Variants in C8orf89 observed in about 807,000 individuals in gnomAD.
C8orf89 encodes chromosome 8 open reading frame 89, also known as putative uncharacterized protein C8orf89.
C8orf89 carries 14 observed loss-of-function variants against 15.8 expected under a neutral mutation model. The observed-to-expected ratio is 0.89, with a 90% CI of 0.59 to 1.39. The LOEUF (loss-of-function observed/expected upper bound fraction) is 1.39. Among genes scored for constraint, C8orf89 ranks in the 40% most tolerant of loss-of-function variants. C8orf89 has a pLI of 0.00. For missense variants in C8orf89, 181 were observed against 184.5 expected, an observed-to-expected ratio of 0.98 and a Z score of 0.11; for synonymous variants, 55 against 62.2, an observed-to-expected ratio of 0.88 and a Z score of 0.54.
At chr8:73,252,084 A>ATAGAG (rs1387469898) in intron 2 of C8orf89, among the ~76,000 whole-genome samples, 1 of 152,138 alleles carries the variant, frequency 6.6e-6, no homozygotes, top group Admixed American at 6.5e-5. Context: ...TCCATTTCTA[A>ATAGAG]TTCTGCCTTA....
intron 2 of C8orf89, among the ~76,000 whole-genome samples, chr8:73,250,804 G>T (rs1446437579): frequency 6.6e-6 from 1 of 152,034 alleles, no homozygotes; most frequent in Non-Finnish European, 1.5e-5. Flanking sequence ...CAAATTTCTT[G>T]TAACAATATT....
At chr8:73,257,901 C>G (rs962825903) in intron 1 of C8orf89, among the ~76,000 whole-genome samples, 2 of 152,004 alleles carry the variant, frequency 1.3e-5, no homozygotes, top group Non-Finnish European at 2.9e-5. Context: ...TATTTTGTAA[C>G]TTTTGATTTT....
At chr8:73,285,280 A>T in the C8orf89 span, among the ~76,000 whole-genome samples, 19 of 152,282 alleles carry the variant, frequency 1.2e-4, no homozygotes, top group African/African-American at 4.3e-4. Flanking sequence ...AGATGTAAGT[A>T]CTTACTTACC....
In C8orf89 at chr8:73,241,412, A is replaced by G. The variant is rs1279499372; in HGVS notation, c.*45T>C. On this transcript the variant is annotated 3_prime_UTR_variant, in exon 4 of 4. Coordinates refer to ENST00000624510, the MANE Select transcript of C8orf89 (RefSeq NM_001243237.3). ...ATATCATATAAAAAAAGAAAATATAAAGCTTAAAAGTCACTGAAGAAAGCA... is the reference window on the plus strand; with the variant it reads ...ATATCATATAAAAAAAGAAAATATAGAGCTTAAAAGTCACTGAAGAAAGCA... 6 of 1,334,678 alleles carry G rather than the reference A, an allele frequency of 4.5e-6. No homozygotes were observed. Among genetic ancestry groups the G allele is most frequent in the Admixed American group, 3.2e-5 (1 of 30,864 alleles). 82.7% of individuals were successfully genotyped at this position (1,334,678 alleles called of 1,614,324 possible). A position where few individuals can be genotyped will look rare whatever the true frequency, so the allele number is the denominator to read the frequency against.
the C8orf89 span, among the ~76,000 whole-genome samples, chr8:73,285,718 G>GGGCAGTGTGGGAGCCAGC: frequency 2.6e-5 from 4 of 152,176 alleles, no homozygotes; most frequent in Non-Finnish European, 5.9e-5. Flanking sequence ...CGGGCACAGC[G>GGGCAGTGTGGGAGCCAGC]GGCAGTGTGG....
chr8:73,269,294 C>T, the C8orf89 span, among the ~76,000 whole-genome samples: 324 of 152,196 alleles, frequency 2.1e-3, 2 homozygotes, highest in African/African-American at 7.1e-3. Flanking sequence ...AAAGTGATTA[C>T]GAGTATAAAA....
the C8orf89 span, among the ~76,000 whole-genome samples, chr8:73,267,291 A>G: frequency 9.8e-5 from 15 of 152,362 alleles, no homozygotes; most frequent in South Asian, 2.1e-4. Flanking sequence ...ACAATGTACT[A>G]TAATAAAAGT....
At chr8:73,280,200 G>A in the C8orf89 span, among the ~76,000 whole-genome samples, 281 of 152,226 alleles carry the variant, frequency 1.8e-3, no homozygotes, top group African/African-American at 6.4e-3. Context: ...CAGGCACCTG[G>A]GGATTTCCTT....
At chr8:73,264,653 G>T in the C8orf89 span, among the ~76,000 whole-genome samples, 1 of 152,136 alleles carries the variant, frequency 6.6e-6, no homozygotes, top group Non-Finnish European at 1.5e-5. Context: ...ACCACACCCA[G>T]CTAATTTTTG....
At chr8:73,281,828 A>G in the C8orf89 span, among the ~76,000 whole-genome samples, 1 of 152,202 alleles carries the variant, frequency 6.6e-6, no homozygotes, top group Non-Finnish European at 1.5e-5. Context: ...CTGGAATGTG[A>G]GCCAATGTAA....
upstream of C8orf89, among the ~76,000 whole-genome samples, chr8:73,260,532 T>C (rs544243631): frequency 5.3e-5 from 8 of 152,058 alleles, no homozygotes; most frequent in African/African-American, 1.9e-4. Flanking sequence ...ACTTAAAGTA[T>C]AATAAAAAAA....
At chr8:73,280,104 A>G in the C8orf89 span, among the ~76,000 whole-genome samples, 3 of 152,250 alleles carry the variant, frequency 2.0e-5, no homozygotes, top group African/African-American at 7.2e-5. Context: ...TTATGAAGCC[A>G]TAGTAACTGA....
Position 73,257,036 on chromosome 8 carries a change from C to T in C8orf89, c.218G>A (p.Ser73Asn). The change falls in exon 2 of 4, where the codon AGT becomes AAT. Residue 73 changes from serine (S) to asparagine (N), a missense_variant. Transcript: ENST00000624510. The part of the protein sequence containing the change: ...PGLQSCQKSV[S>N]STPLEVPKRL... ...TTTAGGAACCTCTAGTGGAGTTGAA[C>T]TTACACTTTTTTGGCAACTTTGCAG... 6.5e-7 allele frequency: 1 copy of T among 1,535,880 alleles called. No individual in the cohort carries two copies. The highest frequency in any genetic ancestry group is 8.7e-7 in the Non-Finnish European group (1 of 1,146,764).
the C8orf89 span, among the ~76,000 whole-genome samples, chr8:73,268,435 C>T: frequency 4.6e-5 from 7 of 151,626 alleles, no homozygotes; most frequent in African/African-American, 1.2e-4. Context: ...GCCGAGATCG[C>T]GCCACTGCAC....
At chr8:73,245,893 C>T (rs1349130644) in intron 3 of C8orf89, among the ~76,000 whole-genome samples, 1 of 152,074 alleles carries the variant, frequency 6.6e-6, no homozygotes, top group African/African-American at 2.4e-5. Flanking sequence ...CTCAAACTTT[C>T]GAGAGAAAAA....
At chr8:73,265,108 CAT>C in the C8orf89 span, among the ~76,000 whole-genome samples, 16 of 152,238 alleles carry the variant, frequency 1.1e-4, no homozygotes, top group Admixed American at 9.8e-4. Flanking sequence ...TAAAATATCT[CAT>C]TAACAATTTA....
chr8:73,272,310 T>C, the C8orf89 span, among the ~76,000 whole-genome samples: 1 of 152,184 alleles, frequency 6.6e-6, no homozygotes, highest in Admixed American at 6.5e-5. Context: ...TCTATGCCCA[T>C]TTGTGAAAGG....
chr8:73,250,196 A>T (rs1813216329), intron 3 of C8orf89, 72 bp downstream of exon 3: 1 of 910,914 alleles, frequency 1.1e-6, no homozygotes, highest in African/African-American at 1.7e-5. Context: ...AAAAGAAAGG[A>T]ATTTTTTTTA....
chr8:73,282,294 C>T, the C8orf89 span, among the ~76,000 whole-genome samples: 479 of 152,080 alleles, frequency 3.1e-3, no homozygotes, highest in Non-Finnish European at 4.8e-3. Flanking sequence ...TAATACAAAG[C>T]GGTGTGTATA....
Sources: allele counts gnomAD v4.1 joint callset (sites outside exome capture counted in the v4.1 genomes callset), GRCh38; gene constraint gnomAD v4.1.1; transcripts MANE v1.5; gene names NCBI Gene and HGNC (gene_info 2026-07-23, HGNC 2026-07-21).